Variants in SREBF2 observed in about 807,000 individuals in gnomAD.
SREBF2 encodes sterol regulatory element binding transcription factor 2.
SREBF2 carries 55 observed loss-of-function variants against 113.1 expected under a neutral mutation model. The ratio of observed to expected loss-of-function variants is 0.49; its 90% CI spans 0.39 to 0.61. The LOEUF (loss-of-function observed/expected upper bound fraction) is 0.61, where lower values mean the gene tolerates loss of function less well. Among genes scored for constraint, SREBF2 ranks in the 20% least tolerant of loss-of-function variants. SREBF2 has a pLI of 0.00. For synonymous variants in SREBF2, 593 were observed against 605.7 expected, an observed-to-expected ratio of 0.98 and a Z score of 0.31; for missense variants, 1,349 against 1,487.4, an observed-to-expected ratio of 0.91 and a Z score of 1.53.
intron 18 of SREBF2, 22 bp downstream of exon 18, chr22:41,904,996 T>G (rs769970067): frequency 6.4e-7 from 1 of 1,561,938 alleles, no homozygotes; most frequent in East Asian, 2.3e-5. Flanking sequence ...CCTCCCCAGC[T>G]CACAGGCTGG....
At position 41,863,766 on chromosome 22, in the gene SREBF2, G is replaced by A. The variant is rs530252457; in HGVS notation, c.89-3065G>A. Among the ~76,000 whole-genome samples the A allele has an allele frequency of 4.4e-4, 67 of 152,284 alleles. 2 individuals are homozygous for A. In the South Asian group the frequency reaches 0.011, roughly 25 times the overall value. On this transcript the variant is annotated intron_variant, in intron 1 of 18. Coordinates refer to ENST00000361204, the MANE Select transcript of SREBF2 (RefSeq NM_004599.4). ...GCTGTTTTTCCCAGCAGGTTTAACT[G>A]ACTGAATACTTAAGGTGCCCAGATT...
intron 1 of SREBF2, among the ~76,000 whole-genome samples, chr22:41,853,197 TCTC>T (rs1486520424): frequency 6.6e-6 from 1 of 152,074 alleles, no homozygotes; most frequent in Non-Finnish European, 1.5e-5. Flanking sequence ...TGCTATGAGT[TCTC>T]CTTCATTTTT....
At position 41,880,813 on chromosome 22, in the gene SREBF2, C is replaced by A. The variant is rs566651453; in HGVS notation, c.1859C>A (p.Ser620Tyr). Residue 620 changes from serine (S) to tyrosine (Y), a missense_variant, in exon 10 of 19, where the codon TCC becomes TAC. Around this residue, in one of 2 missense-constraint regions of SREBF2, gnomAD observed 699 missense variants for 843.3 expected, o/e 0.83. Transcript: ENST00000361204. The part of the protein sequence containing the change: ...TSRLDLACSL[S>Y]WNVIRYSLQK... ...CGCCTGGACCTGGCCTGCAGCCTCT[C>A]CTGGAACGTGATCCGCTACAGCCTG... 2 of 1,614,196 alleles carry A rather than the reference C, an allele frequency of 1.2e-6. No homozygotes were observed. The highest frequency in any genetic ancestry group is 2.2e-5 in the South Asian group (2 of 91,092).
intron 11 of SREBF2, among the ~76,000 whole-genome samples, chr22:41,887,453 C>T (rs1945937886): frequency 6.6e-6 from 1 of 152,100 alleles, no homozygotes; most frequent in Non-Finnish European, 1.5e-5. Flanking sequence ...GATGCTTTGC[C>T]TCTGTTTAAA....
intron 11 of SREBF2, among the ~76,000 whole-genome samples, chr22:41,885,255 A>G (rs2077289143): frequency 6.6e-6 from 1 of 152,136 alleles, no homozygotes. Context: ...TGGTCCCCTG[A>G]GGTAATATGA....
intron 1 of SREBF2, among the ~76,000 whole-genome samples, chr22:41,844,345 G>A (rs1221524016): frequency 2.0e-5 from 3 of 152,150 alleles, no homozygotes; most frequent in Admixed American, 1.3e-4. Flanking sequence ...TAGGGGACCT[G>A]TTTTTAGAAT....
chr22:41,885,079 A>T (rs2077287760), intron 11 of SREBF2, 68 bp downstream of exon 11: 1 of 1,580,310 alleles, frequency 6.3e-7, no homozygotes, highest in Non-Finnish European at 8.6e-7. Context: ...GTTAAGATGC[A>T]GAAGCAGTTA....
chr22:41,887,397 C>T (rs60371185), intron 11 of SREBF2, among the ~76,000 whole-genome samples: 3,587 of 152,286 alleles, frequency 0.024, 140 homozygotes, highest in African/African-American at 0.081. Context: ...CCCCTTCCCC[C>T]AAGCCTTCCA....
intron 10 of SREBF2, among the ~76,000 whole-genome samples, chr22:41,883,627 G>A (rs2077270773): frequency 6.6e-6 from 1 of 152,138 alleles, no homozygotes; most frequent in Non-Finnish European, 1.5e-5. Context: ...GGGGACAGAG[G>A]TAACTACAGT....
intron 1 of SREBF2, among the ~76,000 whole-genome samples, chr22:41,848,650 G>A (rs550844514): frequency 1.3e-5 from 2 of 152,092 alleles, no homozygotes; most frequent in African/African-American, 4.8e-5. Context: ...TGGTGGTTGG[G>A]GCAACTTGTG....
At position 41,905,703 on chromosome 22, in the gene SREBF2, C is replaced by T. The variant is rs530488446; in HGVS notation, c.*43C>T. The T allele has an allele frequency of 2.9e-4, 447 of 1,527,584 alleles. No homozygotes were observed. Among genetic ancestry groups the T allele is most frequent in the Non-Finnish European group, 3.8e-4 (424 of 1,125,842 alleles). The allele number at this position is 1,527,584 out of a possible 1,614,324, so 94.6% of individuals were successfully genotyped here. On this transcript the variant is annotated 3_prime_UTR_variant, in exon 19 of 19. Transcript: ENST00000361204. Reference sequence around the variant, plus strand: ...CCCCTCCACCTCTCTCTCGATTTCTCTCTCTCCCCCTCAGCATCTTCCCGC... The same window carrying T: ...CCCCTCCACCTCTCTCTCGATTTCTTTCTCTCCCCCTCAGCATCTTCCCGC...
chr22:41,865,563 A>T (rs2077067306), intron 1 of SREBF2, among the ~76,000 whole-genome samples: 1 of 152,190 alleles, frequency 6.6e-6, no homozygotes. Context: ...AGGCCCTGGA[A>T]GTAGGCTTGA....
At chr22:41,840,038 C>T (rs2076814349) in intron 1 of SREBF2, among the ~76,000 whole-genome samples, 1 of 148,430 alleles carries the variant, frequency 6.7e-6, no homozygotes, top group African/African-American at 2.5e-5. Flanking sequence ...CAGCTCACTG[C>T]AGCCTCTGCC....
At chr22:41,889,651 T>C (rs1225529721) in intron 11 of SREBF2, among the ~76,000 whole-genome samples, 1 of 149,778 alleles carries the variant, frequency 6.7e-6, no homozygotes, top group African/African-American at 2.5e-5. Flanking sequence ...CACCTGTGAA[T>C]AGAGCCACTC....
At chr22:41,870,739 T>A in intron 3 of SREBF2, 150 bp from the exon 4 acceptor site, 1 of 1,135,436 alleles carries the variant, frequency 8.8e-7, no homozygotes, top group Admixed American at 2.1e-5. Flanking sequence ...AAATGGCCTC[T>A]ATGAAATTTC....
intron 11 of SREBF2, 109 bp downstream of exon 11, chr22:41,885,120 C>A: frequency 7.6e-7 from 1 of 1,324,252 alleles, no homozygotes; most frequent in Non-Finnish European, 1.1e-6. Flanking sequence ...GTGCTGCCCA[C>A]CTGGAGGGGT....
intron 11 of SREBF2, among the ~76,000 whole-genome samples, chr22:41,887,686 C>T (rs140046638): frequency 5.8e-4 from 88 of 152,286 alleles, no homozygotes; most frequent in African/African-American, 2.0e-3. Flanking sequence ...CCTCCTTGTA[C>T]ACACATCTTT....
Position 41,833,321 on chromosome 22 carries a change from G to T in SREBF2, c.51G>T (p.Thr17=). The change falls in exon 1 of 19, where the codon ACG becomes ACT. Residue 17 remains threonine (T), a synonymous_variant. Coordinates refer to ENST00000361204, the MANE Select transcript of SREBF2 (RefSeq NM_004599.4). This position sits in a 1 kb window ranked among gnomAD's most constrained non-coding sequence, Gnocchi z 4.1. ...LGGLETMETL[T]ELGDELTLGD... Reference sequence around the variant, plus strand: ...GTCTGGAGACCATGGAGACCCTCACGGAGCTGGGCGACGAGCTGACCCTGG... The same window carrying T: ...GTCTGGAGACCATGGAGACCCTCACTGAGCTGGGCGACGAGCTGACCCTGG... 1 of 1,533,434 alleles carries T rather than the reference G, an allele frequency of 6.5e-7. No individual in the cohort carries two copies. The highest frequency in any genetic ancestry group is 8.8e-7 in the Non-Finnish European group (1 of 1,139,450). The allele number at this position is 1,533,434 out of a possible 1,614,324, so 95.0% of individuals were successfully genotyped here.
At chr22:41,877,475 G>A in intron 8 of SREBF2, 54 bp downstream of exon 8, 1 of 1,588,468 alleles carries the variant, frequency 6.3e-7, no homozygotes, top group Middle Eastern at 1.8e-4. Context: ...TATGGCAGGA[G>A]AAGGACCCTG....
Sources: gnomAD v4.1 joint callset for allele counts (sites outside exome capture counted in the v4.1 genomes callset) on GRCh38, gnomAD v4.1.1 for gene constraint, gnomAD v4.1.1 regional missense constraint, Gnocchi (gnomAD v3.1) non-coding constraint, MANE v1.5 for transcripts, NCBI Gene and HGNC (gene_info 2026-07-23, HGNC 2026-07-21) for gene names.